RASAL2: variants seen among roughly 807,000 people sequenced by gnomAD.
The protein encoded by RASAL2 is ras GTPase-activating protein nGAP.
In RASAL2, 58 loss-of-function variants were observed where a neutral mutation model predicts 128.9. The ratio of observed to expected loss-of-function variants is 0.45; its 90% CI spans 0.36 to 0.56. RASAL2 has a LOEUF of 0.56. RASAL2 is among the 20% of genes least tolerant of loss of function. The pLI, the probability that RASAL2 is intolerant of heterozygous loss-of-function variation, is 0.00. For missense variants in RASAL2, 1,360 were observed against 1,601.6 expected, an observed-to-expected ratio of 0.85 and a Z score of 2.57; for synonymous variants, 561 against 580.8, an observed-to-expected ratio of 0.97 and a Z score of 0.49.
At chr1:178,272,992 G>T (rs767888598) in intron 1 of RASAL2, among the ~76,000 whole-genome samples, 8 of 151,444 alleles carry the variant, frequency 5.3e-5, no homozygotes, top group Non-Finnish European at 1.0e-4. Context: ...ACCTTAAATT[G>T]ACTATCCAGA....
intron 1 of RASAL2, among the ~76,000 whole-genome samples, chr1:178,234,844 A>G (rs747171760): frequency 5.0e-4 from 76 of 152,310 alleles, no homozygotes; most frequent in Non-Finnish European, 1.0e-3. Context: ...TTATTGAAAT[A>G]TAATTTAATT....
chr1:178,399,269 C>G (rs919263718), intron 4 of RASAL2, among the ~76,000 whole-genome samples: 2 of 151,916 alleles, frequency 1.3e-5, no homozygotes, highest in Non-Finnish European at 2.9e-5. Context: ...CAGCACAACC[C>G]ATGGTGTCTT....
chr1:178,217,597 TTTTG>T (rs1335186893), intron 1 of RASAL2, among the ~76,000 whole-genome samples: 4 of 152,250 alleles, frequency 2.6e-5, no homozygotes, highest in Non-Finnish European at 5.9e-5. Context: ...ACATGAATTT[TTTTG>T]TTTCTCAGTC....
chr1:178,139,849 G>A (rs1301898084), intron 1 of RASAL2, among the ~76,000 whole-genome samples: 1 of 152,004 alleles, frequency 6.6e-6, no homozygotes, highest in South Asian at 2.1e-4. Context: ...ATGATAAAAA[G>A]TCAGGGTACC....
At chr1:178,115,017 A>T (rs569861664) in intron 1 of RASAL2, among the ~76,000 whole-genome samples, 2 of 152,334 alleles carry the variant, frequency 1.3e-5, no homozygotes, top group South Asian at 4.1e-4. Flanking sequence ...AGTATACATT[A>T]TAAATTTTTT....
At chr1:178,329,492 T>C (rs1179159144) in intron 3 of RASAL2, among the ~76,000 whole-genome samples, 3 of 152,128 alleles carry the variant, frequency 2.0e-5, no homozygotes, top group Non-Finnish European at 4.4e-5. Context: ...GAGAGACCCT[T>C]CTAAAAGTTT....
intron 8 of RASAL2, among the ~76,000 whole-genome samples, chr1:178,443,626 A>G (rs1676814253): frequency 6.6e-6 from 1 of 152,198 alleles, no homozygotes; most frequent in African/African-American, 2.4e-5. Context: ...TGTATCCTCT[A>G]GGCACAGAAG....
At chr1:178,388,091 A>G (rs1176564048) in intron 3 of RASAL2, among the ~76,000 whole-genome samples, 1 of 152,142 alleles carries the variant, frequency 6.6e-6, no homozygotes, top group Non-Finnish European at 1.5e-5. Context: ...ATTAAAACAT[A>G]CTATATTGTA....
Position 178,373,856 on chromosome 1 carries a change from A to G in RASAL2, c.458-16244A>G, listed in dbSNP as rs73035281. The stretch of plus-strand genomic sequence containing the variant: ...ATAAATGGAGGTAATAAAGACAAAG[A>G]ATGTTAGAACTTGCTTAGAAGAAAA... On this transcript the variant is annotated intron_variant, in intron 3 of 17. Coordinates refer to ENST00000367649, the MANE Select transcript of RASAL2 (RefSeq NM_170692.4). Among the ~76,000 whole-genome samples, 602 of 152,214 alleles carry G rather than the reference A, an allele frequency of 4.0e-3. 6 individuals carry two copies. The highest frequency in any genetic ancestry group is 0.014 in the African/African-American group (579 of 41,552).
intron 17 of RASAL2, among the ~76,000 whole-genome samples, chr1:178,467,847 T>A (rs1342113246): frequency 6.6e-6 from 1 of 152,240 alleles, no homozygotes; most frequent in Non-Finnish European, 1.5e-5. Context: ...CCCCAGACAG[T>A]AATGGAATTG....
rs74764084 is a variant in RASAL2, at chr1:178,469,274, G to A, written c.3678+1853G>A. Among the ~76,000 whole-genome samples the A allele has an allele frequency of 5.8e-3, 878 of 152,226 alleles. 11 individuals carry two copies. Among genetic ancestry groups the A allele is most frequent in the African/African-American group, 0.02 (815 of 41,522 alleles). ...TTTGCGCCAGTGCACTATAGCCTGA[G>A]CGACAAAGTGAGACCCTGTCTTGAA... On this transcript the variant is annotated intron_variant, in intron 17 of 17. Transcript: ENST00000367649.
intron 1 of RASAL2, among the ~76,000 whole-genome samples, chr1:178,139,457 G>A (rs1660453204): frequency 6.6e-6 from 1 of 151,862 alleles, no homozygotes; most frequent in Non-Finnish European, 1.5e-5. Context: ...CTTAAAAGTA[G>A]ACAATTTCAG....
intron 1 of RASAL2, among the ~76,000 whole-genome samples, chr1:178,142,322 A>G (rs1169735882): frequency 4.6e-5 from 7 of 152,150 alleles, no homozygotes; most frequent in Non-Finnish European, 8.8e-5. Context: ...GTTAGAGGGA[A>G]GGGACTTGAC....
At chr1:178,342,101 G>A (rs1317646337) in intron 3 of RASAL2, among the ~76,000 whole-genome samples, 1 of 152,170 alleles carries the variant, frequency 6.6e-6, no homozygotes, top group East Asian at 1.9e-4. Context: ...TCCATAGACA[G>A]CAGTAAGAGC....
At chr1:178,344,894 C>G (rs1238776157) in intron 3 of RASAL2, among the ~76,000 whole-genome samples, 1 of 152,144 alleles carries the variant, frequency 6.6e-6, no homozygotes, top group Admixed American at 6.6e-5. Flanking sequence ...TTTTTAACTG[C>G]TGATGGGAAT....
chr1:178,471,846 T>C (rs867726769), intron 17 of RASAL2, among the ~76,000 whole-genome samples: 4 of 152,184 alleles, frequency 2.6e-5, no homozygotes, highest in Non-Finnish European at 5.9e-5. Flanking sequence ...GGGTAGCTGC[T>C]GTTTTAATAG....
rs1371597022 is a variant in RASAL2, at chr1:178,119,375, G to T, written c.202+24681G>T. On this transcript the variant is annotated intron_variant, in intron 1 of 17. Coordinates refer to ENST00000367649, the MANE Select transcript of RASAL2 (RefSeq NM_170692.4). ...CTCCCAGAGTTGCGTGAACAGGCGT[G>T]AGTTAAGGGCATGTACTTTAACGTG... 3.5e-4 allele frequency among the ~76,000 whole-genome samples: 54 copies of T among 152,184 alleles called. 1 individual carries two copies. The highest frequency in any genetic ancestry group is 1.5e-5 in the Non-Finnish European group (1 of 68,034).
At chr1:178,366,752 G>T (rs538656753) in intron 3 of RASAL2, among the ~76,000 whole-genome samples, 1 of 151,750 alleles carries the variant, frequency 6.6e-6, no homozygotes, top group Non-Finnish European at 1.5e-5. Context: ...GAATATTTTC[G>T]GCCATAAAAA....
intron 1 of RASAL2, among the ~76,000 whole-genome samples, chr1:178,161,196 A>G (rs1661280466): frequency 1.3e-5 from 2 of 151,956 alleles, no homozygotes; most frequent in Admixed American, 1.3e-4. Flanking sequence ...TTTGTACAAT[A>G]TCTTTTGCAA....
Sources: allele counts gnomAD v4.1 joint callset (sites outside exome capture counted in the v4.1 genomes callset), GRCh38; gene constraint gnomAD v4.1.1; transcripts MANE v1.5; gene names NCBI Gene and HGNC (gene_info 2026-07-23, HGNC 2026-07-21).